Variants in SYNRG observed in about 807,000 individuals in gnomAD.
SYNRG encodes the protein AP1 gamma subunit binding protein 1.
SYNRG carries 37 observed loss-of-function variants against 130.9 expected under a neutral mutation model. That is an observed-to-expected ratio of 0.28 (90% confidence interval 0.22 to 0.37). SYNRG has a LOEUF of 0.37. Among genes scored for constraint, SYNRG ranks in the 10% least tolerant of loss-of-function variants. SYNRG has a pLI of 1.00. For synonymous variants in SYNRG, 539 were observed against 568.1 expected, an observed-to-expected ratio of 0.95 and a Z score of 0.73; for missense variants, 1,338 against 1,588.9, an observed-to-expected ratio of 0.84 and a Z score of 2.68.
rs570022520 is a variant in SYNRG, at chr17:37,561,748, A to T, written c.1482-159T>A. ...TATAGTATACATATATACCACAAAT[A>T]AAAAAAAAACCATGTCCTTTTTCAA... is the stretch of plus-strand genomic sequence containing the variant. On this transcript the variant is annotated intron_variant, in intron 11 of 21. Transcript: ENST00000612223. Among the ~76,000 whole-genome samples the T allele has an allele frequency of 3.3e-3, 486 of 148,438 alleles. 4 individuals are homozygous for T. The highest frequency in any genetic ancestry group is 6.2e-3 in the South Asian group (29 of 4,684).
intron 9 of SYNRG, among the ~76,000 whole-genome samples, chr17:37,571,331 C>T (rs1221731623): frequency 6.6e-6 from 1 of 152,138 alleles, no homozygotes; most frequent in Non-Finnish European, 1.5e-5. Flanking sequence ...CCTGTAATCC[C>T]AGCACTTTGG....
At chr17:37,521,640 A>G (rs542622393) in intron 19 of SYNRG, among the ~76,000 whole-genome samples, 21 of 152,148 alleles carry the variant, frequency 1.4e-4, no homozygotes, top group Non-Finnish European at 2.9e-4. Context: ...CCCTCTCGCT[A>G]CAGTATAGGC....
intron 11 of SYNRG, among the ~76,000 whole-genome samples, chr17:37,566,017 G>C (rs1390926541): frequency 6.7e-6 from 1 of 148,402 alleles, no homozygotes; most frequent in Non-Finnish European, 1.5e-5. Context: ...AGGTGGGGGG[G>C]TCAGCCCCCC....
intron 6 of SYNRG, 31 bp downstream of exon 6, chr17:37,584,617 A>C (rs772587587): frequency 6.3e-7 from 1 of 1,586,952 alleles, no homozygotes; most frequent in Non-Finnish European, 8.6e-7. Context: ...ACCTTCCCAG[A>C]AAAGAAAAAT....
At chr17:37,540,623 CCCT>C in intron 15 of SYNRG, 80 bp from the exon 16 acceptor site, 2 of 1,278,066 alleles carry the variant, frequency 1.6e-6, no homozygotes, top group Non-Finnish European at 2.1e-6. Context: ...GCTACCACAA[CCCT>C]CTTCTTTTTT....
At chr17:37,570,504 TCTG>T in intron 10 of SYNRG, 130 bp downstream of exon 10, 1 of 1,233,812 alleles carries the variant, frequency 8.1e-7, no homozygotes, top group African/African-American at 1.5e-5. Context: ...TAGCAGTTTT[TCTG>T]AAAGATACAA....
At chr17:37,537,806 A>C (rs1390243791) in intron 18 of SYNRG, among the ~76,000 whole-genome samples, 3 of 152,230 alleles carry the variant, frequency 2.0e-5, no homozygotes, top group African/African-American at 7.2e-5. Context: ...ACATTTGAGT[A>C]AAGATTTGAA....
At chr17:37,595,930 T>G (rs1388906792) in intron 3 of SYNRG, among the ~76,000 whole-genome samples, 1 of 152,138 alleles carries the variant, frequency 6.6e-6, no homozygotes, top group Non-Finnish European at 1.5e-5. Context: ...AATTTTTGTA[T>G]TTTTAGTAGA....
At chr17:37,600,738 T>C (rs1327886839) in intron 1 of SYNRG, 7 of 403,652 alleles carry the variant, frequency 1.7e-5, no homozygotes, top group African/African-American at 1.4e-4. Flanking sequence ...GTCAACTACA[T>C]GAAATGATGG....
chr17:37,530,182 A>G (rs1036348373), intron 19 of SYNRG, among the ~76,000 whole-genome samples: 1 of 152,204 alleles, frequency 6.6e-6, no homozygotes, highest in African/African-American at 2.4e-5. Flanking sequence ...CCTCTGAAGG[A>G]GGCCACAAGG....
At chr17:37,566,334 C>T (rs1426628496) in intron 11 of SYNRG, among the ~76,000 whole-genome samples, 1 of 146,850 alleles carries the variant, frequency 6.8e-6, no homozygotes, top group Non-Finnish European at 1.5e-5. Context: ...TGTGACCTTA[C>T]CCCCAACCCT....
chr17:37,539,605 G>C (rs571558307), intron 16 of SYNRG, among the ~76,000 whole-genome samples: 2 of 152,130 alleles, frequency 1.3e-5, no homozygotes, highest in Non-Finnish European at 2.9e-5. Flanking sequence ...TCCTGAGCTC[G>C]AGTGATCTGC....
rs1027331022 is a variant in SYNRG, at chr17:37,518,199, C to G, written c.*741G>C. 1 of 152,194 alleles carries G rather than the reference C, an allele frequency of 6.6e-6. No individual in the cohort carries two copies. Among genetic ancestry groups the G allele is most frequent in the Non-Finnish European group, 1.5e-5 (1 of 68,054 alleles). The allele number at this position is 152,194 out of a possible 1,614,324, so 9.4% of individuals were successfully genotyped here. A position where few individuals can be genotyped will look rare whatever the true frequency, so the allele number is the denominator to read the frequency against. Reference sequence around the variant, plus strand: ...GTCACAGTCTTTGCATGCGGCAGAACAGGTTTGCAGCGAAGGCTCCCGGGG... The same window carrying G: ...GTCACAGTCTTTGCATGCGGCAGAAGAGGTTTGCAGCGAAGGCTCCCGGGG... On this transcript the variant is annotated 3_prime_UTR_variant, in exon 22 of 22. Transcript: ENST00000612223.
At chr17:37,552,102 C>T (rs2058752169) in intron 14 of SYNRG, among the ~76,000 whole-genome samples, 1 of 152,124 alleles carries the variant, frequency 6.6e-6, no homozygotes, top group South Asian at 2.1e-4. Context: ...TATGCAAAAG[C>T]TATAGGACTT....
chr17:37,591,077 C>A (rs1756056609), intron 3 of SYNRG, among the ~76,000 whole-genome samples: 1 of 151,978 alleles, frequency 6.6e-6, no homozygotes, highest in South Asian at 2.1e-4. Context: ...ATTAAAAAAT[C>A]CCATGGAATC....
intron 3 of SYNRG, among the ~76,000 whole-genome samples, chr17:37,594,336 A>G (rs1343897205): frequency 6.8e-6 from 1 of 147,298 alleles, no homozygotes; most frequent in Admixed American, 6.8e-5. Context: ...TATTAAAATA[A>G]AAATTAATGA....
intron 13 of SYNRG, among the ~76,000 whole-genome samples, chr17:37,560,113 G>A (rs2059416142): frequency 6.6e-6 from 1 of 151,964 alleles, no homozygotes; most frequent in African/African-American, 2.4e-5. Flanking sequence ...GTCTCACTAT[G>A]TTGCCCAGGC....
intron 13 of SYNRG, among the ~76,000 whole-genome samples, chr17:37,560,399 G>A: frequency 6.8e-6 from 1 of 146,648 alleles, no homozygotes. Context: ...GCAGTGGCAT[G>A]ATCTTGGTTC....
intron 19 of SYNRG, among the ~76,000 whole-genome samples, chr17:37,530,064 C>A (rs1236892739): frequency 1.3e-5 from 2 of 152,068 alleles, no homozygotes; most frequent in Non-Finnish European, 2.9e-5. Flanking sequence ...CAAGTTGCTG[C>A]CAGAAAAGAC....
Sources: allele counts gnomAD v4.1 joint callset (sites outside exome capture counted in the v4.1 genomes callset), GRCh38; gene constraint gnomAD v4.1.1; transcripts MANE v1.5; gene names NCBI Gene and HGNC (gene_info 2026-07-23, HGNC 2026-07-21).